Variants in CILP observed in about 807,000 individuals in gnomAD.
CILP encodes cartilage intermediate layer protein 1.
A neutral mutation model predicts 82.5 loss-of-function variants in CILP; 75 were observed. That is an observed-to-expected ratio of 0.91 (90% confidence interval 0.75 to 1.10). The LOEUF is 1.10. CILP is among the 50% of genes least tolerant of loss of function. The probability of loss-of-function intolerance (pLI) is 0.00; values close to 1 mark genes in which losing one functional copy is unlikely to be tolerated. For missense variants in CILP, 1,479 were observed against 1,530.8 expected (o/e 0.97, Z 0.56); for synonymous variants, 530 against 580.3 (o/e 0.91, Z 1.25).
At chr15:65,205,774 C>T (rs2088512208) in intron 4 of CILP, among the ~76,000 whole-genome samples, 1 of 152,188 alleles carries the variant, frequency 6.6e-6, no homozygotes. Context: ...TTCTTCTTCA[C>T]CAGTGTGGAA....
chr15:65,200,842 A>T (rs2088441544), intron 8 of CILP, among the ~76,000 whole-genome samples: 1 of 152,226 alleles, frequency 6.6e-6, no homozygotes, highest in Non-Finnish European at 1.5e-5. Context: ...CAGTCAGGTC[A>T]TACCAATGGG....
intron 5 of CILP, 66 bp downstream of exon 5, chr15:65,205,221 A>C: frequency 2.0e-6 from 3 of 1,466,988 alleles, no homozygotes; most frequent in Non-Finnish European, 2.8e-6. Flanking sequence ...CTGACCCTCT[A>C]ACTCCCTCCT....
At position 65,197,558 on chromosome 15, in the gene CILP, C is replaced by G; in HGVS notation, c.2728G>C (p.Ala910Pro). 1 of 1,614,242 alleles carries G rather than the reference C, an allele frequency of 6.2e-7. No homozygotes were observed. ...RACEEAPPSAAHFRFYQIEGD... is the reference protein window; with the variant it reads ...RACEEAPPSAPHFRFYQIEGD... ...TCAATCTGGTAGAACCGGAAGTGGG[C>G]TGCACTGGGTGGTGCCTCTTCACAT... Residue 910 changes from alanine (A) to proline (P), a missense_variant, in exon 9 of 9, where the codon GCC becomes CCC. Physicochemically the swap from Ala to Pro is conservative, Grantham distance 27. Coordinates refer to ENST00000261883, the MANE Select transcript of CILP (RefSeq NM_003613.4).
At chr15:65,207,123 A>G in intron 3 of CILP, 72 bp from the exon 4 acceptor site, 1 of 1,521,070 alleles carries the variant, frequency 6.6e-7, no homozygotes, top group South Asian at 1.3e-5. Context: ...CCTCTCACCC[A>G]CCCCCAGCTG....
chr15:65,209,568 A>G, intron 2 of CILP, 127 bp downstream of exon 2: 3 of 755,428 alleles, frequency 4.0e-6, no homozygotes, highest in Admixed American at 2.3e-5. Flanking sequence ...GAATAAATCC[A>G]TAAAGTGGCC....
intron 1 of CILP, among the ~76,000 whole-genome samples, chr15:65,210,336 C>G (rs1287491499): frequency 6.6e-6 from 1 of 152,184 alleles, no homozygotes; most frequent in Non-Finnish European, 1.5e-5. Context: ...GGTGCAGATG[C>G]CTCGGACATA....
intron 7 of CILP, among the ~76,000 whole-genome samples, chr15:65,202,834 C>CT (rs10634666): frequency 0.12 from 13,981 of 117,528 alleles, 1,214 homozygotes; most frequent in Middle Eastern, 0.23. Flanking sequence ...GGGACCACAG[C>CT]TTTTTTTTTT....
rs2088343064 is a variant in CILP at position 65,194,837 on chromosome 15, C to G, written c.*1894G>C. ...TGCCCTAGAGTGGGGAACCAGTCAG[C>G]CCACCTTCCCCAGCAACCCACCCCC... On this transcript the variant is annotated 3_prime_UTR_variant, in exon 9 of 9. Coordinates refer to ENST00000261883, the MANE Select transcript of CILP (RefSeq NM_003613.4). 6.6e-6 allele frequency: 1 copy of G among 151,838 alleles called. No homozygotes were observed. Among genetic ancestry groups the G allele is most frequent in the Non-Finnish European group, 1.5e-5 (1 of 68,036 alleles). 9.4% of individuals were successfully genotyped at this position (151,838 alleles called of 1,614,324 possible).
At position 65,198,588 on chromosome 15, in the gene CILP, A is replaced by G. The variant is rs1485557655; in HGVS notation, c.1698T>C (p.His566=). 2 of 1,614,074 alleles carry G rather than the reference A, an allele frequency of 1.2e-6. No homozygotes were observed. Among genetic ancestry groups the G allele is most frequent in the East Asian group, 2.2e-5 (1 of 44,898 alleles). The change falls in exon 9 of 9, where the codon CAT becomes CAC. Residue 566 remains histidine (H), a synonymous_variant. Coordinates refer to ENST00000261883, the MANE Select transcript of CILP (RefSeq NM_003613.4). ...PFNKKGSAVF[H]EIKMLRRKKP... ...TTTTCCGACGAAGCATCTTGATTTC[A>G]TGGAACACGGCACTCCCCTTCTTGT...
intron 1 of CILP, among the ~76,000 whole-genome samples, chr15:65,210,226 C>CT (rs1300059634): frequency 6.6e-6 from 1 of 152,116 alleles, no homozygotes; most frequent in African/African-American, 2.4e-5. Context: ...TTTTGCCATC[C>CT]TTTGATGGAG....
chr15:65,204,377 A>C lies in CILP; in HGVS notation c.810T>G (p.Asp270Glu). ...GRFRIPGLCPDGKSILKITKV... is the reference protein window; with the variant it reads ...GRFRIPGLCPEGKSILKITKV... Reference sequence around the variant, plus strand: ...TTGTGATCTTCAGGATGCTTTTGCCATCAGGGCACAAGCCAGGGATTCGGA... The same window carrying C: ...TTGTGATCTTCAGGATGCTTTTGCCCTCAGGGCACAAGCCAGGGATTCGGA... Residue 270 changes from aspartate (D) to glutamate (E), a missense_variant, in exon 6 of 9, where the codon GAT becomes GAG. By Grantham distance (45) the Asp-to-Glu change is conservative (BLOSUM62 2). Transcript: ENST00000261883. The C allele has an allele frequency of 3.7e-6, 6 of 1,614,206 alleles. No individual in the cohort carries two copies. The highest frequency in any genetic ancestry group is 5.1e-6 in the Non-Finnish European group (6 of 1,180,036).
In CILP at chr15:65,195,395, C is replaced by T. The variant is rs538522798; in HGVS notation, c.*1336G>A. The T allele has an allele frequency of 3.3e-5, 5 of 152,338 alleles. No individual in the cohort carries two copies. Among genetic ancestry groups the T allele is most frequent in the Admixed American group, 2.0e-4 (3 of 15,296 alleles). 9.4% of individuals were successfully genotyped at this position (152,338 alleles called of 1,614,324 possible). On this transcript the variant is annotated 3_prime_UTR_variant, in exon 9 of 9. Transcript: ENST00000261883. ...GAGTGCATCCTATCCAACCCCACAC[C>T]CCACTACCCTGACTGTAATGCCGCT...
rs897620584 is a variant in CILP, at chr15:65,204,577, C to T, written c.610G>A (p.Asp204Asn). Residue 204 changes from aspartate to asparagine, a missense_variant, in exon 6 of 9, where the codon GAC becomes AAC. Asp to Asn is a conservative substitution (Grantham distance 23, BLOSUM62 1). Coordinates refer to ENST00000261883, the MANE Select transcript of CILP (RefSeq NM_003613.4). ...ACCTGGCCCATTGGGCAGGTCAGGT[C>T]ACAGGCTGTGGAACAAGGGGCCATA... ...HCMGQDCTAC[D>N]LTCPMGQVNA... 1.3e-6 allele frequency: 2 copies of T among 1,594,674 alleles called. No homozygotes were observed. Among genetic ancestry groups the T allele is most frequent in the Non-Finnish European group, 1.7e-6 (2 of 1,175,514 alleles).
chr15:65,199,544 C>T (rs2679119), intron 8 of CILP, among the ~76,000 whole-genome samples: 108,605 of 152,146 alleles, frequency 0.71, 40,551 homozygotes, highest in East Asian at 0.98. Flanking sequence ...GAGCTTTGGC[C>T]GGATGCAGTG....
Position 65,198,946 on chromosome 15 carries a change from C to A in CILP, c.1340G>T (p.Cys447Phe), listed in dbSNP as rs1178135069. 6.2e-6 allele frequency: 10 copies of A among 1,613,968 alleles called. No individual in the cohort carries two copies. The highest frequency in any genetic ancestry group is 8.5e-6 in the Non-Finnish European group (10 of 1,180,036). ...CAGQQDNGIR[C>F]RDAVQNCCGI... ...ACAGCAGTTCTGCACAGCATCACGG[C>A]ACCTGATCCCATTATCCTGCTGCCC... Residue 447 changes from cysteine to phenylalanine, a missense_variant, in exon 9 of 9, where the codon TGC (cysteine) becomes TTC (phenylalanine). Cys to Phe is a radical substitution (Grantham distance 205, BLOSUM62 -2). Coordinates refer to ENST00000261883, the MANE Select transcript of CILP (RefSeq NM_003613.4).
In CILP at chr15:65,198,005, T is replaced by G; in HGVS notation, c.2281A>C (p.Ser761Arg). The G allele has an allele frequency of 6.2e-6, 10 of 1,614,194 alleles. No individual in the cohort carries two copies. Among genetic ancestry groups the G allele is most frequent in the Non-Finnish European group, 8.5e-6 (10 of 1,180,028 alleles). ...RCFVKVRAYR[S>R]ERFLPSEQIQ... is the part of the protein sequence containing the mutation. ...TGCTCACTAGGCAAGAACCTCTCAC[T>G]CCGGTAGGCCCTCACCTTAACAAAG... Residue 761 changes from serine (S) to arginine (R), a missense_variant, in exon 9 of 9, where the codon AGT becomes CGT. Transcript: ENST00000261883.
chr15:65,197,237 G>T lies in CILP; in HGVS notation c.3049C>A (p.Gln1017Lys). The T allele has an allele frequency of 6.2e-7, 1 of 1,614,130 alleles. No homozygotes were observed. Residue 1017 changes from glutamine (Q) to lysine (K), a missense_variant, in exon 9 of 9, where the codon CAG (glutamine) becomes AAG (lysine). Transcript: ENST00000261883. ...EFKCSGMLYD[Q>K]DRVDRTLVKV... is the part of the protein sequence containing the mutation. The stretch of plus-strand genomic sequence containing the variant: ...ACCAGGGTGCGGTCCACACGGTCCT[G>T]ATCATAGAGCATCCCACTGCACTTG...
intron 8 of CILP, among the ~76,000 whole-genome samples, chr15:65,199,418 G>C (rs557184995): frequency 9.2e-5 from 14 of 152,326 alleles, no homozygotes; most frequent in African/African-American, 3.4e-4. Context: ...GGCCATTGAT[G>C]TTCTATGTCC....
At chr15:65,206,745 G>A (rs935011181) in intron 4 of CILP, 37 bp downstream of exon 4, 1 of 1,583,698 alleles carries the variant, frequency 6.3e-7, no homozygotes, top group African/African-American at 1.3e-5. Flanking sequence ...GAGGCCAGTG[G>A]GAAGTAGCGG....
Sources: gnomAD v4.1 joint callset for allele counts (sites outside exome capture counted in the v4.1 genomes callset) on GRCh38, gnomAD v4.1.1 for gene constraint, MANE v1.5 for transcripts, NCBI Gene and HGNC (gene_info 2026-07-23, HGNC 2026-07-21) for gene names.